The following PTPN22 variants were observed in gnomAD, a reference collection of about 807,000 sequenced individuals.
PTPN22 encodes the protein tyrosine-protein phosphatase non-receptor type 22.
In PTPN22, 85 loss-of-function variants were observed where a neutral mutation model predicts 103.3. The ratio of observed to expected loss-of-function variants is 0.82; its 90% CI spans 0.69 to 0.99. The LOEUF is 0.99. Ranked by LOEUF, PTPN22 falls within the 50% of genes least tolerant of loss-of-function variation. The pLI is 0.00. For synonymous variants in PTPN22, 323 were observed against 310.2 expected (o/e 1.04, Z -0.43); for missense variants, 865 against 936.9 (o/e 0.92, Z 1.00).
At chr1:113,857,835 A>C (rs1201423690) in intron 4 of PTPN22, 59 bp from the exon 5 acceptor site, 13 of 1,458,782 alleles carry the variant, frequency 8.9e-6, no homozygotes, top group Admixed American at 3.9e-5. Flanking sequence ...AGAGCAGTTA[A>C]TACATGGATC....
intron 14 of PTPN22, 94 bp downstream of exon 14, chr1:113,834,816 G>C (rs1265940113): frequency 4.9e-6 from 5 of 1,019,642 alleles, no homozygotes; most frequent in Non-Finnish European, 7.4e-6. Flanking sequence ...CAAACTCAAG[G>C]CTCACACATC....
In PTPN22 at chr1:113,814,957, C is replaced by T. The variant is rs776747696; in HGVS notation, c.2372G>A (p.Arg791His). 1.6e-5 allele frequency: 25 copies of T among 1,606,108 alleles called. 1 individual carries two copies. The highest frequency in any genetic ancestry group is 1.3e-4 in the African/African-American group (10 of 74,480). The change falls in exon 21 of 21, where the codon CGT becomes CAT. Residue 791 changes from arginine to histidine, a missense_variant. Coordinates refer to ENST00000359785, the Ensembl canonical transcript of PTPN22. The stretch of plus-strand genomic sequence containing the variant: ...CCTTGGTCCTTTGGGTTTTGAAAAA[C>T]GGTTTGCAAAACCTGGGAACAAAAA...
intron 20 of PTPN22, chr1:113,815,375 T>A (rs1468545723): frequency 6.4e-6 from 1 of 156,934 alleles, no homozygotes. Flanking sequence ...GTATTACATC[T>A]AGTTATACCT....
chr1:113,854,980 G>A (rs571421586), exon 8 of PTPN22: 1 of 1,607,302 alleles, frequency 6.2e-7, no homozygotes, highest in African/African-American at 1.3e-5. Flanking sequence ...TCAAGAATAG[G>A]GTCTATAGAT....
chr1:113,846,179 TTC>T (rs1664034330), intron 11 of PTPN22, among the ~76,000 whole-genome samples: 1 of 152,198 alleles, frequency 6.6e-6, no homozygotes, highest in Admixed American at 6.5e-5. Context: ...ATTTTTTGTT[TTC>T]TCTTTATTCT....
Position 113,848,628 on chromosome 1 carries a change from T to G in PTPN22, c.829-2A>C. 6.2e-7 allele frequency: 1 copy of G among 1,611,294 alleles called. No homozygotes were observed. Among genetic ancestry groups the G allele is most frequent in the South Asian group, 1.1e-5 (1 of 90,780 alleles). ...ATTGTAGACCAGTTCATATTGTTCC[T>G]GAAGAGCATCACAACCCAGAACAAA... On this transcript the variant is annotated splice_acceptor_variant, in intron 10 of 20. Transcript: ENST00000359785. LOFTEE classifies it high-confidence loss of function.
At chr1:113,867,868 A>G (rs1469429408) in intron 1 of PTPN22, among the ~76,000 whole-genome samples, 1 of 152,160 alleles carries the variant, frequency 6.6e-6, no homozygotes, top group Admixed American at 6.5e-5. Flanking sequence ...CTCTCACAGT[A>G]TCTGTGGGGG....
At chr1:113,871,611 C>T in exon 1 of PTPN22, 1 of 1,613,972 alleles carries the variant, frequency 6.2e-7, no homozygotes, top group Non-Finnish European at 8.5e-7. Context: ...TGCAGAATTT[C>T]TCTTTGGTCC....
intron 11 of PTPN22, among the ~76,000 whole-genome samples, chr1:113,842,951 A>T (rs1348603831): frequency 3.4e-5 from 5 of 147,434 alleles, no homozygotes; most frequent in African/African-American, 1.3e-4. Context: ...ACTACAAAAA[A>T]TAGCCGGGCG....
chr1:113,816,419 G>GA (rs1237307464), intron 20 of PTPN22, among the ~76,000 whole-genome samples: 1 of 120,554 alleles, frequency 8.3e-6, no homozygotes, highest in Admixed American at 8.1e-5. Context: ...CAAGGCTGCA[G>GA]AGGGGAAAAA....
chr1:113,824,401 T>G (rs1661876206), intron 19 of PTPN22, among the ~76,000 whole-genome samples: 1 of 152,046 alleles, frequency 6.6e-6, no homozygotes, highest in East Asian at 1.9e-4. Flanking sequence ...CACCCGGCCA[T>G]CACCATGGTT....
chr1:113,856,320 T>C, intron 7 of PTPN22, 62 bp downstream of exon 7: 2 of 1,495,260 alleles, frequency 1.3e-6, no homozygotes, highest in Middle Eastern at 2.4e-4. Flanking sequence ...GCTACACACA[T>C]CTATATTTAC....
rs1323813881 is a variant in PTPN22 at position 113,855,105 on chromosome 1, A to G, written c.541-56T>C. On this transcript the variant is annotated intron_variant, in intron 7 of 20. Transcript: ENST00000359785. ...AGGGGCAAGGGCTGAAAAACCACCT[A>G]TTGGGTATTATGCTCACTACCTGGG... 1.4e-5 allele frequency: 21 copies of G among 1,460,934 alleles called. No individual in the cohort carries two copies. In the East Asian group the frequency reaches 2.5e-4, roughly 17 times the overall value. 90.5% of individuals were successfully genotyped at this position (1,460,934 alleles called of 1,614,324 possible).
intron 16 of PTPN22, among the ~76,000 whole-genome samples, chr1:113,832,097 T>C (rs1180942027): frequency 6.6e-6 from 1 of 152,234 alleles, no homozygotes; most frequent in Non-Finnish European, 1.5e-5. Flanking sequence ...AAGTATGTAA[T>C]TTAACCAAGT....
intron 19 of PTPN22, among the ~76,000 whole-genome samples, chr1:113,821,053 A>G (rs556641194): frequency 6.6e-6 from 1 of 151,968 alleles, no homozygotes; most frequent in East Asian, 1.9e-4. Context: ...AATACTTACT[A>G]TGTGCTAAGC....
chr1:113,839,271 G>T (rs768501016), intron 11 of PTPN22, among the ~76,000 whole-genome samples: 1 of 152,044 alleles, frequency 6.6e-6, no homozygotes, highest in Non-Finnish European at 1.5e-5. Flanking sequence ...TAAGAGACAG[G>T]GCCTCGCTGT....
intron 13 of PTPN22, among the ~76,000 whole-genome samples, chr1:113,836,443 T>G (rs958537980): frequency 2.6e-5 from 4 of 152,234 alleles, no homozygotes; most frequent in African/African-American, 9.6e-5. Flanking sequence ...AAACATGTAT[T>G]GTCATCTACG....
intron 20 of PTPN22, among the ~76,000 whole-genome samples, chr1:113,816,867 C>T (rs1661195532): frequency 6.6e-6 from 1 of 152,128 alleles, no homozygotes; most frequent in Non-Finnish European, 1.5e-5. Flanking sequence ...TGAGATCGTG[C>T]CACTGCACTC....
chr1:113,869,553 C>A (rs751962438), intron 1 of PTPN22, among the ~76,000 whole-genome samples: 2 of 151,930 alleles, frequency 1.3e-5, no homozygotes, highest in Non-Finnish European at 2.9e-5. Context: ...TGCCACCACG[C>A]CCAGCTAATT....
Sources: allele counts gnomAD v4.1 joint callset (sites outside exome capture counted in the v4.1 genomes callset), GRCh38; gene constraint gnomAD v4.1.1; transcripts MANE v1.5; gene names NCBI Gene and HGNC (gene_info 2026-07-23, HGNC 2026-07-21).